The following CSNK1A1 variants were observed in gnomAD, a reference collection of about 807,000 sequenced individuals.
The protein encoded by CSNK1A1 is casein kinase 1 alpha 1.
In CSNK1A1, 7 loss-of-function variants were observed where a neutral mutation model predicts 46.1. That is an observed-to-expected ratio of 0.15 (90% CI 0.09 to 0.29). The LOEUF is 0.29. CSNK1A1 is among the 10% of genes least tolerant of loss of function. The probability of loss-of-function intolerance (pLI) is 1.00; values close to 1 mark genes in which losing one functional copy is unlikely to be tolerated. For missense variants in CSNK1A1, 96 were observed against 417.1 expected (o/e 0.23, Z 6.71); for synonymous variants, 137 against 141.5 (o/e 0.97, Z 0.23).
rs1343514594 is a variant in CSNK1A1 at position 149,496,587 on chromosome 5, T to C, written c.*266A>G. On this transcript the variant is annotated 3_prime_UTR_variant, in exon 10 of 10. Coordinates refer to ENST00000377843, the MANE Select transcript of CSNK1A1 (RefSeq NM_001892.6). ...TGTGTGTCAACCATTTAGTTAACTT[T>C]TCCACTTGAAAAAATGCAATAGAAA... 2.3e-6 allele frequency: 1 copy of C among 427,424 alleles called. No individual in the cohort carries two copies. The highest frequency in any genetic ancestry group is 4.1e-6 in the Non-Finnish European group (1 of 245,266). 26.5% of individuals were successfully genotyped at this position (427,424 alleles called of 1,614,324 possible).
At position 149,551,231 on chromosome 5, in the gene CSNK1A1, G is replaced by A; in HGVS notation, c.-267C>T. On this transcript the variant is annotated 5_prime_UTR_variant, in exon 1 of 10. Transcript: ENST00000377843. ...GGCCACTTGTTTCTCGGCGGCCGCC[G>A]CTGCCTCGCTTGCGCGGCGACGTCG... The A allele has an allele frequency of 6.0e-6, 2 of 331,510 alleles. No individual in the cohort carries two copies. The highest frequency in any genetic ancestry group is 1.1e-5 in the Non-Finnish European group (2 of 178,150). 20.5% of individuals were successfully genotyped at this position (331,510 alleles called of 1,614,324 possible).
chr5:149,507,645 G>C (rs1580823793), intron 7 of CSNK1A1, among the ~76,000 whole-genome samples: 1 of 151,950 alleles, frequency 6.6e-6, no homozygotes, highest in African/African-American at 2.4e-5. Flanking sequence ...GTATTTTTTA[G>C]TAGAGACAGG....
intron 2 of CSNK1A1, among the ~76,000 whole-genome samples, chr5:149,539,479 AAAAG>A (rs1554117554): frequency 6.6e-6 from 1 of 151,826 alleles, no homozygotes; most frequent in Non-Finnish European, 1.5e-5. Context: ...AAAAAAAAAA[AAAAG>A]AAAGAAAAGA....
Position 149,550,795 on chromosome 5 carries a change from A to G in CSNK1A1, c.123+47T>C. 1 of 1,611,870 alleles carries G rather than the reference A, an allele frequency of 6.2e-7. No homozygotes were observed. Among genetic ancestry groups the G allele is most frequent in the South Asian group, 1.1e-5 (1 of 90,980 alleles). On this transcript the variant is annotated intron_variant, in intron 1 of 9. Coordinates refer to ENST00000377843, the MANE Select transcript of CSNK1A1 (RefSeq NM_001892.6). This position sits in a 1 kb window ranked among gnomAD's most constrained non-coding sequence, Gnocchi z 4.3. ...GGGGTGCACGGTGGTGGTGGGGGGA[A>G]TGAGTAAAAGCGCAGCGTTATCGTG...
At chr5:149,526,059 G>C (rs181878532) in intron 2 of CSNK1A1, among the ~76,000 whole-genome samples, 115 of 152,230 alleles carry the variant, frequency 7.6e-4, no homozygotes, top group Non-Finnish European at 4.4e-4. Context: ...TATCTGGAAA[G>C]CTTATGTTTT....
rs967766491 is a variant in CSNK1A1 at position 149,534,310 on chromosome 5, C to T, written c.231-9139G>A. On this transcript the variant is annotated intron_variant, in intron 2 of 9. Transcript: ENST00000377843. ...CATCCTGGCCAACATGGTGAAACCC[C>T]GTCTCTACTAAAAACACAAAAATTA... 2.8e-4 allele frequency among the ~76,000 whole-genome samples: 42 copies of T among 151,580 alleles called. 1 individual carries two copies. The highest frequency in any genetic ancestry group is 5.9e-4 in the Non-Finnish European group (40 of 67,908).
At chr5:149,540,922 C>T (rs1344061668) in intron 2 of CSNK1A1, among the ~76,000 whole-genome samples, 1 of 150,788 alleles carries the variant, frequency 6.6e-6, no homozygotes. Context: ...TACAAAAATA[C>T]AAAAAAAATT....
intron 2 of CSNK1A1, among the ~76,000 whole-genome samples, chr5:149,527,754 T>G (rs1271795831): frequency 1.3e-5 from 2 of 152,192 alleles, no homozygotes; most frequent in Non-Finnish European, 2.9e-5. Flanking sequence ...AACACTTGTT[T>G]AATATAAATA....
chr5:149,545,959 G>C, intron 2 of CSNK1A1: 1 of 202,840 alleles, frequency 4.9e-6, no homozygotes, highest in Non-Finnish European at 1.0e-5. Context: ...CACGATCTTG[G>C]CTCACTGCAA....
chr5:149,547,791 A>G (rs1262080149), intron 2 of CSNK1A1, among the ~76,000 whole-genome samples: 1 of 152,170 alleles, frequency 6.6e-6, no homozygotes, highest in Non-Finnish European at 1.5e-5. Context: ...TTGCTCATTT[A>G]CAACCAATAG....
intron 5 of CSNK1A1, 60 bp from the exon 6 acceptor site, chr5:149,511,932 G>A: frequency 1.5e-6 from 2 of 1,300,114 alleles, no homozygotes; most frequent in South Asian, 2.5e-5. Context: ...ACATATGAAA[G>A]AAAGTCAAGT....
At chr5:149,524,310 C>G (rs1277333792) in intron 3 of CSNK1A1, among the ~76,000 whole-genome samples, 1 of 152,050 alleles carries the variant, frequency 6.6e-6, no homozygotes, top group Non-Finnish European at 1.5e-5. Flanking sequence ...AAAGCATTTC[C>G]AGCATTTTCC....
chr5:149,517,818 G>C lies in CSNK1A1; in HGVS notation c.456+2472C>G. On this transcript the variant is annotated intron_variant, in intron 4 of 9. Transcript: ENST00000377843. This position sits in a 1 kb window ranked among gnomAD's most constrained non-coding sequence, Gnocchi z 4.4. ...CCTGGTTTAATCCTGAGAAAGATGGGTCCTGAGAAGTACTAACAGTCATGC... is the reference window on the plus strand; with the variant it reads ...CCTGGTTTAATCCTGAGAAAGATGGCTCCTGAGAAGTACTAACAGTCATGC... 6.2e-7 allele frequency: 1 copy of C among 1,606,190 alleles called. No individual in the cohort carries two copies. The highest frequency in any genetic ancestry group is 1.1e-5 in the South Asian group (1 of 89,390).
At chr5:149,546,089 G>T (rs569489310) in intron 2 of CSNK1A1, among the ~76,000 whole-genome samples, 1 of 150,826 alleles carries the variant, frequency 6.6e-6, no homozygotes, top group Non-Finnish European at 1.5e-5. Flanking sequence ...TAGAGACAGG[G>T]TTTCACCTGT....
chr5:149,524,662 GA>G (rs1359650154), intron 3 of CSNK1A1, among the ~76,000 whole-genome samples: 1 of 152,042 alleles, frequency 6.6e-6, no homozygotes, highest in Admixed American at 6.6e-5. Context: ...GCTTTTCTAA[GA>G]GTCCCACACA....
intron 9 of CSNK1A1, chr5:149,501,473 T>C (rs987912973): frequency 3.0e-6 from 3 of 985,306 alleles, no homozygotes; most frequent in Non-Finnish European, 2.4e-6. Flanking sequence ...ACATAAACGG[T>C]AGATGCAGCC....
At chr5:149,510,641 G>A (rs1333649182) in intron 6 of CSNK1A1, among the ~76,000 whole-genome samples, 1 of 151,760 alleles carries the variant, frequency 6.6e-6, no homozygotes, top group Non-Finnish European at 1.5e-5. Context: ...ACTACACCCT[G>A]CTATTTTTTT....
At chr5:149,536,537 GAT>G (rs1490132252) in intron 2 of CSNK1A1, among the ~76,000 whole-genome samples, 1 of 152,154 alleles carries the variant, frequency 6.6e-6, no homozygotes, top group Non-Finnish European at 1.5e-5. Flanking sequence ...TCCAAAGTTT[GAT>G]ATGTTTGTTT....
chr5:149,535,459 C>T (rs984841572), intron 2 of CSNK1A1, among the ~76,000 whole-genome samples: 3 of 152,080 alleles, frequency 2.0e-5, no homozygotes, highest in African/African-American at 7.2e-5. Context: ...AAAATTGGGC[C>T]CCCTTCCTAA....
Sources: allele counts gnomAD v4.1 joint callset (sites outside exome capture counted in the v4.1 genomes callset), GRCh38; gene constraint gnomAD v4.1.1; non-coding constraint Gnocchi (gnomAD v3.1); transcripts MANE v1.5; gene names NCBI Gene and HGNC (gene_info 2026-07-23, HGNC 2026-07-21).